CNOT1: variants seen among roughly 807,000 people sequenced by gnomAD.
The protein encoded by CNOT1 is CCR4-associated factor 1.
In CNOT1, 15 loss-of-function variants were observed where a neutral mutation model predicts 273.8. The observed-to-expected ratio is 0.05, with a 90% confidence interval of 0.04 to 0.08. The LOEUF (loss-of-function observed/expected upper bound fraction) is 0.08, where lower values mean the gene tolerates loss of function less well. Among genes scored for constraint, CNOT1 ranks in the 10% least tolerant of loss-of-function variants. CNOT1 has a pLI of 1.00. For missense variants in CNOT1, 1,644 were observed against 2,912.2 expected, an observed-to-expected ratio of 0.56 and a Z score of 10.02; for synonymous variants, 1,022 against 1,005.5, an observed-to-expected ratio of 1.02 and a Z score of -0.31.
chr16:58,578,548 A>T (rs1808462744), intron 13 of CNOT1, 151 bp downstream of exon 13: 2 of 1,334,628 alleles, frequency 1.5e-6, no homozygotes, highest in East Asian at 5.2e-5. Context: ...CATGATTCTA[A>T]AAGATAAAAC....
At chr16:58,567,196 A>G (rs1358480563) in intron 16 of CNOT1, among the ~76,000 whole-genome samples, 1 of 152,192 alleles carries the variant, frequency 6.6e-6, no homozygotes, top group African/African-American at 2.4e-5. Context: ...AAGGCTGAGC[A>G]TAGGTGGCTT....
chr16:58,528,313 C>T, intron 44 of CNOT1, 162 bp downstream of exon 44: 2 of 652,300 alleles, frequency 3.1e-6, no homozygotes, highest in Middle Eastern at 2.5e-4. Flanking sequence ...GCAACAATAT[C>T]ATACCTTCTA....
Position 58,537,932 on chromosome 16 carries a change from G to C in CNOT1, c.5373C>G (p.Leu1791=). The C allele has an allele frequency of 1.2e-6, 2 of 1,614,180 alleles. No individual in the cohort carries two copies. The highest frequency in any genetic ancestry group is 1.6e-4 in the Middle Eastern group (1 of 6,062). ...CTCTGGAATGAGCATTAATCCTCAT[G>C]AGGGTTTCAATGGTGTGGAACAGAT... The part of the protein sequence containing the change: ...EADLFHTIET[L]MRINAHSRGN... The change falls in exon 38 of 49, where the codon CTC becomes CTG. Residue 1791 remains leucine, a synonymous_variant. Coordinates refer to ENST00000317147, the MANE Select transcript of CNOT1 (RefSeq NM_016284.5).
chr16:58,621,892 C>T (rs1344817642), intron 1 of CNOT1, among the ~76,000 whole-genome samples: 4 of 116,726 alleles, frequency 3.4e-5, no homozygotes, highest in African/African-American at 6.7e-5. Flanking sequence ...GCCTGGGCGA[C>T]GGAAAGAGAC....
rs1042208729 is a variant in CNOT1, at chr16:58,535,403, G to A, written c.5647-1008C>T. Among the ~76,000 whole-genome samples the A allele has an allele frequency of 3.9e-5, 6 of 152,128 alleles. No homozygotes were observed. The South Asian group carries it at 8.3e-4, about 21-fold the overall frequency. On this transcript the variant is annotated intron_variant, in intron 39 of 48. Coordinates refer to ENST00000317147, the MANE Select transcript of CNOT1 (RefSeq NM_016284.5). ...CTGAGTACTATGGTCAAGGAGGAGC[G>A]CAAGAAGGAAAGAATTTTCAAAAGG...
At chr16:58,618,650 C>CAAA (rs34816978) in intron 1 of CNOT1, among the ~76,000 whole-genome samples, 1 of 140,706 alleles carries the variant, frequency 7.1e-6, no homozygotes, top group African/African-American at 2.6e-5. Flanking sequence ...AACCCTGTCT[C>CAAA]AAAAAAAAAA....
chr16:58,621,017 CTTTTT>C (rs34890706), intron 1 of CNOT1, among the ~76,000 whole-genome samples: 1 of 150,614 alleles, frequency 6.6e-6, no homozygotes, highest in East Asian at 1.9e-4. Context: ...AAAAAGATAA[CTTTTT>C]TTTTTTCTTT....
chr16:58,521,971 T>C (rs944558073), intron 47 of CNOT1, among the ~76,000 whole-genome samples: 1 of 151,334 alleles, frequency 6.6e-6, no homozygotes, highest in Non-Finnish European at 1.5e-5. Flanking sequence ...ATAAATTAAA[T>C]AAATAAATAA....
In CNOT1 at chr16:58,540,643, G is replaced by A. The variant is rs562358446; in HGVS notation, c.4801-684C>T. Among the ~76,000 whole-genome samples, 22 of 152,280 alleles carry A rather than the reference G, an allele frequency of 1.4e-4. No individual in the cohort carries two copies. The South Asian group carries it at 3.9e-3, about 27-fold the overall frequency. Reference sequence around the variant, plus strand: ...ATTATTGGGATACATGGTGAAACTCGAGTGAGGTCTATGAATTAGATGGAG... The same window carrying A: ...ATTATTGGGATACATGGTGAAACTCAAGTGAGGTCTATGAATTAGATGGAG... On this transcript the variant is annotated intron_variant, in intron 34 of 48. Coordinates refer to ENST00000317147, the MANE Select transcript of CNOT1 (RefSeq NM_016284.5).
At chr16:58,574,938 A>G in intron 15 of CNOT1, 69 bp downstream of exon 15, 1 of 1,581,400 alleles carries the variant, frequency 6.3e-7, no homozygotes, top group South Asian at 1.2e-5. Context: ...AAATTTTAAA[A>G]GTTGTACTTG....
intron 18 of CNOT1, 49 bp from the exon 19 acceptor site, chr16:58,557,042 G>A (rs2040654610): frequency 6.3e-7 from 1 of 1,593,014 alleles, no homozygotes; most frequent in Admixed American, 1.8e-5. Context: ...TCATATTCTT[G>A]ATTTTATTCA....
intron 22 of CNOT1, 152 bp from the exon 23 acceptor site, chr16:58,551,971 A>G (rs77871965): frequency 0.026 from 24,249 of 940,690 alleles, 446 homozygotes; most frequent in Non-Finnish European, 0.032. Context: ...GCACTAATAC[A>G]TAAGTAGATT....
rs1471424284 is a variant in CNOT1 at position 58,581,248 on chromosome 16, A to C, written c.1215+97T>G. 2.2e-6 allele frequency: 3 copies of C among 1,379,846 alleles called. No homozygotes were observed. In the African/African-American group the frequency reaches 4.3e-5, roughly 20 times the overall value. The allele number at this position is 1,379,846 out of a possible 1,614,324, so 85.5% of individuals were successfully genotyped here. A position where few individuals can be genotyped will look rare whatever the true frequency, so the allele number is the denominator to read the frequency against. ...TTCTGTGCTATGTATAACAAATTCT[A>C]CTTTACAAGAATATTTCGATCAATG... On this transcript the variant is annotated intron_variant, in intron 11 of 48. Transcript: ENST00000317147.
At chr16:58,567,511 A>G (rs1272876551) in intron 16 of CNOT1, among the ~76,000 whole-genome samples, 2 of 148,628 alleles carry the variant, frequency 1.3e-5, no homozygotes, top group Admixed American at 6.7e-5. Flanking sequence ...ATGGTAGCAT[A>G]TACCTGTAAT....
At chr16:58,628,007 T>A (rs1027669561) in intron 1 of CNOT1, among the ~76,000 whole-genome samples, 5 of 152,166 alleles carry the variant, frequency 3.3e-5, no homozygotes, top group African/African-American at 1.2e-4. Context: ...TTTGTATTTT[T>A]AGTAGAGACG....
At chr16:58,610,315 G>A (rs1394464724) in intron 1 of CNOT1, among the ~76,000 whole-genome samples, 3 of 152,098 alleles carry the variant, frequency 2.0e-5, no homozygotes, top group Non-Finnish European at 4.4e-5. Context: ...GCTACTCAGA[G>A]AATCGCTTAA....
At chr16:58,586,801 TAA>T (rs1431843553) in intron 6 of CNOT1, 53 bp from the exon 7 acceptor site, 1 of 1,562,156 alleles carries the variant, frequency 6.4e-7, no homozygotes, top group African/African-American at 1.4e-5. Context: ...CACAATGGGT[TAA>T]AAAGTCATAT....
At chr16:58,531,904 A>G in intron 42 of CNOT1, 54 bp downstream of exon 42, 1 of 1,592,336 alleles carries the variant, frequency 6.3e-7, no homozygotes, top group Non-Finnish European at 8.5e-7. Context: ...AATGCTAATA[A>G]ATAAGCCCAG....
chr16:58,573,648 T>C (rs1881566689), intron 16 of CNOT1, among the ~76,000 whole-genome samples: 1 of 151,546 alleles, frequency 6.6e-6, no homozygotes, highest in African/African-American at 2.4e-5. Flanking sequence ...GCCTAGCTAA[T>C]TTTTTTGTAT....
Sources: allele counts gnomAD v4.1 joint callset (sites outside exome capture counted in the v4.1 genomes callset), GRCh38; gene constraint gnomAD v4.1.1; transcripts MANE v1.5; gene names NCBI Gene and HGNC (gene_info 2026-07-23, HGNC 2026-07-21).